The following RBM27 variants were observed in gnomAD, a reference collection of about 807,000 sequenced individuals.
RBM27 encodes the protein RNA binding motif protein 27.
A neutral mutation model predicts 135.3 loss-of-function variants in RBM27; 22 were observed. The ratio of observed to expected loss-of-function variants is 0.16; its 90% CI spans 0.12 to 0.23. RBM27 has a LOEUF of 0.23. Ranked by LOEUF, RBM27 falls within the 10% of genes least tolerant of loss-of-function variation. The pLI is 1.00. For missense variants in RBM27, 1,009 were observed against 1,281.0 expected, an observed-to-expected ratio of 0.79 and a Z score of 3.24; for synonymous variants, 481 against 442.4, an observed-to-expected ratio of 1.09 and a Z score of -1.10.
At position 146,240,471 on chromosome 5, in the gene RBM27, C is replaced by T. The variant is rs546709965; in HGVS notation, c.1279+3039C>T. On this transcript the variant is annotated intron_variant, in intron 8 of 20. Coordinates refer to ENST00000265271, the MANE Select transcript of RBM27 (RefSeq NM_018989.2). ...CTTCCCAAGTAGCTGGGATTACAGT[C>T]GCCCACCACCACACCTGGCTAATTT... Among the ~76,000 whole-genome samples the T allele has an allele frequency of 2.0e-5, 3 of 152,100 alleles. No individual in the cohort carries two copies. The South Asian group carries it at 6.2e-4, about 32-fold the overall frequency.
At chr5:146,267,889 GCTT>G (rs1758686178) in intron 15 of RBM27, 121 bp downstream of exon 15, 1 of 1,002,350 alleles carries the variant, frequency 1.0e-6, no homozygotes, top group South Asian at 1.7e-5. Flanking sequence ...TGCTTATTTA[GCTT>G]CTTCTCTAAT....
chr5:146,241,448 A>C (rs1263476884), intron 8 of RBM27, among the ~76,000 whole-genome samples: 4 of 152,202 alleles, frequency 2.6e-5, no homozygotes, highest in Non-Finnish European at 5.9e-5. Flanking sequence ...ACTATTTTGT[A>C]GTATATGAGT....
intron 2 of RBM27, among the ~76,000 whole-genome samples, chr5:146,222,062 G>C (rs907231131): frequency 3.3e-5 from 5 of 152,066 alleles, no homozygotes. Context: ...AAAATAACAT[G>C]TTATAAATTG....
At chr5:146,250,256 C>T (rs1456086078) in intron 8 of RBM27, among the ~76,000 whole-genome samples, 8 of 151,780 alleles carry the variant, frequency 5.3e-5, no homozygotes, top group South Asian at 2.1e-4. Flanking sequence ...CTGGCTAACA[C>T]GGTGAAACCC....
At chr5:146,270,585 T>C (rs1053727017) in intron 17 of RBM27, among the ~76,000 whole-genome samples, 13 of 152,220 alleles carry the variant, frequency 8.5e-5, no homozygotes, top group Admixed American at 4.6e-4. Context: ...AATCTGGTAG[T>C]AATTATGTAG....
chr5:146,243,980 T>C (rs1757514298), intron 8 of RBM27, among the ~76,000 whole-genome samples: 1 of 151,946 alleles, frequency 6.6e-6, no homozygotes, highest in South Asian at 2.1e-4. Flanking sequence ...GAAAGAAATA[T>C]GTTAAAAAAA....
chr5:146,255,860 TC>T (rs1207381454), intron 10 of RBM27, among the ~76,000 whole-genome samples: 2 of 151,720 alleles, frequency 1.3e-5, no homozygotes, highest in African/African-American at 2.4e-5. Flanking sequence ...TTCTTCTTCT[TC>T]TTTTTTTTTT....
chr5:146,216,461 A>G (rs1384770023), intron 1 of RBM27, among the ~76,000 whole-genome samples: 2 of 152,206 alleles, frequency 1.3e-5, no homozygotes, highest in African/African-American at 2.4e-5. Context: ...CATATATATC[A>G]AAAGCTAGTT....
chr5:146,231,175 A>G (rs939265742), intron 6 of RBM27, among the ~76,000 whole-genome samples: 3 of 151,922 alleles, frequency 2.0e-5, no homozygotes, highest in Non-Finnish European at 2.9e-5. Context: ...GCACCAACTC[A>G]TGGGGAATGT....
rs1756840971 is a variant in RBM27, at chr5:146,229,634, CAA to C, written c.396-82_396-81del. 7.6e-6 allele frequency: 9 copies of C among 1,177,896 alleles called. No individual in the cohort carries two copies. The South Asian group carries it at 1.1e-4, about 14-fold the overall frequency. The allele number at this position is 1,177,896 out of a possible 1,614,324, so 73.0% of individuals were successfully genotyped here. On this transcript the variant is annotated intron_variant, in intron 4 of 20. Coordinates refer to ENST00000265271, the MANE Select transcript of RBM27 (RefSeq NM_018989.2). The stretch of plus-strand genomic sequence containing the variant: ...AGCATAGATATGCATTTGGATGACT[CAA>C]GAGTAGTATTTATACTATAGATTTG...
intron 8 of RBM27, among the ~76,000 whole-genome samples, chr5:146,242,875 G>A (rs866474589): frequency 3.9e-5 from 6 of 152,048 alleles, no homozygotes; most frequent in Non-Finnish European, 4.4e-5. Flanking sequence ...TGTGATTACA[G>A]GTGTGAGCCA....
At position 146,214,469 on chromosome 5, in the gene RBM27, A is replaced by G. The variant is rs1164777626; in HGVS notation, c.60-4516A>G. Among the ~76,000 whole-genome samples, 4 of 152,176 alleles carry G rather than the reference A, an allele frequency of 2.6e-5. No homozygotes were observed. In the East Asian group the frequency reaches 7.7e-4, roughly 29 times the overall value. On this transcript the variant is annotated intron_variant, in intron 1 of 20. Transcript: ENST00000265271. ...GGAAGTGATGCTGCACTTGTCTTAT[A>G]TTCTCAAGAGTCTTAGTTGTACTCA...
chr5:146,208,513 G>C (rs1312736016), intron 1 of RBM27, among the ~76,000 whole-genome samples: 1 of 151,766 alleles, frequency 6.6e-6, no homozygotes. Flanking sequence ...CAGTCGAGAA[G>C]TTTGTCTCTT....
At chr5:146,275,290 G>A (rs1465998076) in intron 19 of RBM27, among the ~76,000 whole-genome samples, 2 of 151,418 alleles carry the variant, frequency 1.3e-5, no homozygotes, top group East Asian at 1.9e-4. Flanking sequence ...TTTTTTTGGA[G>A]ACGGAGTCTT....
chr5:146,258,614 G>C, intron 11 of RBM27, 21 bp downstream of exon 11: 1 of 1,543,178 alleles, frequency 6.5e-7, no homozygotes, highest in Non-Finnish European at 8.7e-7. Flanking sequence ...TTGCTAATTA[G>C]TAGCATCTAA....
intron 20 of RBM27, among the ~76,000 whole-genome samples, chr5:146,285,365 A>G (rs1759538961): frequency 6.6e-6 from 1 of 152,142 alleles, no homozygotes; most frequent in Non-Finnish European, 1.5e-5. Flanking sequence ...AGTTTGATCA[A>G]GTGTCTTCTC....
At chr5:146,231,527 GT>G (rs928688558) in intron 6 of RBM27, among the ~76,000 whole-genome samples, 3 of 151,284 alleles carry the variant, frequency 2.0e-5, no homozygotes, top group African/African-American at 7.3e-5. Context: ...TTGTTTTTTT[GT>G]TTTCACTGTT....
At chr5:146,256,921 A>G (rs755641039) in intron 10 of RBM27, among the ~76,000 whole-genome samples, 5 of 152,210 alleles carry the variant, frequency 3.3e-5, no homozygotes, top group Non-Finnish European at 7.3e-5. Flanking sequence ...GCATTAGGCA[A>G]TGTTAGCTGG....
Position 146,254,847 on chromosome 5 carries a change from A to G in RBM27, c.1445-96A>G, listed in dbSNP as rs1581205533. ...TAGGTTGATGTATTTGTTGGAGAAT[A>G]TATGTTTTTTAAGCAGTTGTTTATT... is the stretch of plus-strand genomic sequence containing the variant. On this transcript the variant is annotated intron_variant, in intron 9 of 20. Transcript: ENST00000265271. The G allele has an allele frequency of 6.3e-6, 7 of 1,112,950 alleles. No individual in the cohort carries two copies. The East Asian group carries it at 1.0e-4, about 16-fold the overall frequency. The allele number at this position is 1,112,950 out of a possible 1,614,324, so 68.9% of individuals were successfully genotyped here. A position where few individuals can be genotyped will look rare whatever the true frequency, so the allele number is the denominator to read the frequency against.
Sources: allele counts gnomAD v4.1 joint callset (sites outside exome capture counted in the v4.1 genomes callset), GRCh38; gene constraint gnomAD v4.1.1; transcripts MANE v1.5; gene names NCBI Gene and HGNC (gene_info 2026-07-23, HGNC 2026-07-21).